Variants in SLC14A2 observed in about 807,000 individuals in gnomAD.
SLC14A2 encodes the protein urea transporter 2.
In SLC14A2, 91 loss-of-function variants were observed where a neutral mutation model predicts 104.6. The observed-to-expected ratio is 0.87, with a 90% CI of 0.73 to 1.04. The LOEUF (loss-of-function observed/expected upper bound fraction) is 1.04, where lower values mean the gene tolerates loss of function less well. Among genes scored for constraint, SLC14A2 ranks in the 50% least tolerant of loss-of-function variants. The pLI is 0.00. For missense variants in SLC14A2, 1,189 were observed against 1,156.0 expected, an observed-to-expected ratio of 1.03 and a Z score of -0.41; for synonymous variants, 476 against 466.4, an observed-to-expected ratio of 1.02 and a Z score of -0.27.
At position 45,271,006 on chromosome 18, in the gene SLC14A2, G is replaced by A. The variant is rs73952823; in HGVS notation, c.-125+57815G>A. On this transcript the variant is annotated intron_variant, in intron 1 of 20. Coordinates refer to the SLC14A2 transcript ENST00000586448. ...ATATCAGTAAATATAGCAGGAAAAT[G>A]CCTTCCTTTATGTGTGTAAGGTAAA... Among the ~76,000 whole-genome samples the A allele has an allele frequency of 5.4e-3, 820 of 152,268 alleles. 7 individuals are homozygous for A. Among genetic ancestry groups the A allele is most frequent in the African/African-American group, 0.018 (764 of 41,568 alleles).
chr18:45,488,263 A>C (rs2087649701), intron 2 of SLC14A2, among the ~76,000 whole-genome samples: 1 of 152,166 alleles, frequency 6.6e-6, no homozygotes. Context: ...TGTGGACCCC[A>C]GAGGAAAAAA....
At chr18:45,191,726 G>A in the SLC14A2 span, among the ~76,000 whole-genome samples, 1 of 152,100 alleles carries the variant, frequency 6.6e-6, no homozygotes, top group African/African-American at 2.4e-5. Flanking sequence ...CTCACTTTGT[G>A]GCATGAGACC....
intron 1 of SLC14A2, among the ~76,000 whole-genome samples, chr18:45,269,323 G>C (rs771492367): frequency 1.3e-5 from 2 of 152,000 alleles, no homozygotes; most frequent in Non-Finnish European, 2.9e-5. Context: ...AACATGATAA[G>C]GTTTTAGCTG....
chr18:45,379,204 G>A (rs188693511), intron 1 of SLC14A2, among the ~76,000 whole-genome samples: 2 of 152,208 alleles, frequency 1.3e-5, no homozygotes, highest in Admixed American at 1.3e-4. Context: ...ACATCCTCCA[G>A]GTTATACTTA....
intron 2 of SLC14A2, among the ~76,000 whole-genome samples, chr18:45,605,734 T>A (rs930657638): frequency 2.0e-5 from 3 of 152,144 alleles, no homozygotes; most frequent in African/African-American, 7.2e-5. Context: ...TCACTCCCAA[T>A]GCAATGATTT....
rs745834335 is a variant in SLC14A2, at chr18:45,637,194, A to G, written c.843+12A>G. ...TGGAAATGCCCCTGGTAAGTTACCC[A>G]GCGGTGATGAGTTGAGACCCCCATA... On this transcript the variant is annotated intron_variant, in intron 6 of 19. Coordinates refer to ENST00000255226, the MANE Select transcript of SLC14A2 (RefSeq NM_007163.4). 4 of 1,610,560 alleles carry G rather than the reference A, an allele frequency of 2.5e-6. No homozygotes were observed. The Admixed American group carries it at 6.7e-5, about 27-fold the overall frequency.
At chr18:45,601,009 A>T (rs1263262818) in intron 2 of SLC14A2, among the ~76,000 whole-genome samples, 1 of 152,182 alleles carries the variant, frequency 6.6e-6, no homozygotes, top group Admixed American at 6.5e-5. Context: ...GAAGTAGGAT[A>T]GGATGGGAGG....
chr18:45,673,831 A>T lies in SLC14A2; in HGVS notation c.2512+14A>T, dbSNP rs371833803. On this transcript the variant is annotated intron_variant, in intron 18 of 19. Coordinates refer to ENST00000255226, the MANE Select transcript of SLC14A2 (RefSeq NM_007163.4). ...CCATCGCCTGCGGTAGGTACTCCCC[A>T]CAGAGGATTTGTTTCCTTTATAAAA... 1.2e-6 allele frequency: 2 copies of T among 1,609,992 alleles called. No individual in the cohort carries two copies. Among genetic ancestry groups the T allele is most frequent in the Non-Finnish European group, 1.7e-6 (2 of 1,176,662 alleles).
chr18:45,625,075 A>G (rs1416803541), intron 2 of SLC14A2, among the ~76,000 whole-genome samples: 1 of 152,038 alleles, frequency 6.6e-6, no homozygotes, highest in Non-Finnish European at 1.5e-5. Flanking sequence ...TTCCCCTTAA[A>G]CCTGCTCCCT....
intron 10 of SLC14A2, among the ~76,000 whole-genome samples, chr18:45,650,909 T>A (rs910061133): frequency 7.9e-3 from 3 of 378 alleles, no homozygotes; most frequent in Admixed American, 0.083. Context: ...CCAGCTTTTT[T>A]TTTATTTTTA....
intron 1 of SLC14A2, among the ~76,000 whole-genome samples, chr18:45,409,493 A>G (rs960661690): frequency 1.3e-5 from 2 of 152,186 alleles, no homozygotes. Flanking sequence ...TTTGGCATCC[A>G]TAATTCTTCA....
intron 5 of SLC14A2, among the ~76,000 whole-genome samples, chr18:45,635,444 G>A (rs2045404115): frequency 6.6e-6 from 1 of 152,324 alleles, no homozygotes; most frequent in Non-Finnish European, 1.5e-5. Flanking sequence ...AGAAAATCCA[G>A]TGTCATGGTA....
intron 1 of SLC14A2, among the ~76,000 whole-genome samples, chr18:45,378,488 T>G (rs909633613): frequency 1.3e-5 from 2 of 152,202 alleles, no homozygotes; most frequent in African/African-American, 4.8e-5. Flanking sequence ...TGAGATGACA[T>G]GATAGAGGCA....
intron 1 of SLC14A2, among the ~76,000 whole-genome samples, chr18:45,346,410 G>A (rs540998610): frequency 3.3e-5 from 5 of 152,240 alleles, no homozygotes; most frequent in Admixed American, 2.6e-4. Flanking sequence ...ACCCGCCTCG[G>A]CCTCCCAAAG....
chr18:45,195,007 T>C, the SLC14A2 span, among the ~76,000 whole-genome samples: 1 of 152,158 alleles, frequency 6.6e-6, no homozygotes, highest in Non-Finnish European at 1.5e-5. Context: ...CAGGCGTGAA[T>C]GGGCAGAGAA....
chr18:45,279,998 G>A (rs1472461161), intron 1 of SLC14A2, among the ~76,000 whole-genome samples: 1 of 152,118 alleles, frequency 6.6e-6, no homozygotes, highest in East Asian at 1.9e-4. Flanking sequence ...CCACCCCTGT[G>A]GTTGTCACAA....
chr18:45,418,209 C>T (rs1197585149), intron 1 of SLC14A2, among the ~76,000 whole-genome samples: 4 of 152,034 alleles, frequency 2.6e-5, no homozygotes, highest in Non-Finnish European at 5.9e-5. Flanking sequence ...GGGGGAACAG[C>T]AATAAAAGAA....
chr18:45,570,290 T>C (rs946063429), intron 2 of SLC14A2, among the ~76,000 whole-genome samples: 3 of 152,140 alleles, frequency 2.0e-5, no homozygotes, highest in African/African-American at 7.2e-5. Flanking sequence ...TGATACGTTC[T>C]TTAAGACCCA....
At chr18:45,335,691 G>A (rs1012844962) in intron 1 of SLC14A2, among the ~76,000 whole-genome samples, 1 of 152,144 alleles carries the variant, frequency 6.6e-6, no homozygotes, top group Non-Finnish European at 1.5e-5. Context: ...GAATTTTGAA[G>A]GCTAAGGAAG....
Sources: allele counts gnomAD v4.1 joint callset (sites outside exome capture counted in the v4.1 genomes callset), GRCh38; gene constraint gnomAD v4.1.1; transcripts MANE v1.5; gene names NCBI Gene and HGNC (gene_info 2026-07-23, HGNC 2026-07-21).